Variants in RPGRIP1 observed in about 807,000 individuals in gnomAD.
The protein encoded by RPGRIP1 is X-linked retinitis pigmentosa GTPase regulator-interacting protein 1.
Under a neutral mutation model 157.9 loss-of-function variants are expected in RPGRIP1, and 128 were observed. That is an observed-to-expected ratio of 0.81 (90% CI 0.70 to 0.94). The LOEUF (loss-of-function observed/expected upper bound fraction) is 0.94, where lower values mean the gene tolerates loss of function less well. Ranked by LOEUF, RPGRIP1 falls within the 40% of genes least tolerant of loss-of-function variation. RPGRIP1 has a pLI of 0.00. For missense variants in RPGRIP1, 1,486 were observed against 1,545.8 expected (o/e 0.96, Z 0.65); for synonymous variants, 554 against 571.6 (o/e 0.97, Z 0.44).
At chr14:21,350,409 TAA>T (rs1242850610) in intron 24 of RPGRIP1, among the ~76,000 whole-genome samples, 1 of 149,214 alleles carries the variant, frequency 6.7e-6, no homozygotes, top group Non-Finnish European at 1.5e-5. Context: ...AAACAGGAAT[TAA>T]GAGTACATAG....
At chr14:21,280,209 G>A (rs996071131) in intron 1 of RPGRIP1, among the ~76,000 whole-genome samples, 50 bp downstream of exon 1, 2 of 151,484 alleles carry the variant, frequency 1.3e-5, no homozygotes, top group Admixed American at 1.3e-4. Context: ...CTTCCCTAGG[G>A]GTGTTTTTGA....
At position 21,351,271 on chromosome 14, in the gene RPGRIP1, C is replaced by A. The variant is rs1202783518; in HGVS notation, c.*55C>A. On this transcript the variant is annotated 3_prime_UTR_variant, in exon 25 of 25. Transcript: ENST00000400017. ...CTCTGAGGGAACCATAGTAAAAAGT[C>A]TCTTATAAAGTTAGCTTGCTATAAC... The A allele has an allele frequency of 4.5e-6, 5 of 1,116,712 alleles. No individual in the cohort carries two copies. The highest frequency in any genetic ancestry group is 6.7e-6 in the Non-Finnish European group (5 of 750,376). 69.2% of individuals were successfully genotyped at this position (1,116,712 alleles called of 1,614,324 possible). A position where few individuals can be genotyped will look rare whatever the true frequency, so the allele number is the denominator to read the frequency against.
In RPGRIP1 at chr14:21,343,053, CA is replaced by C; in HGVS notation, c.3358del (p.Ile1120LeufsTer14). ...YPKADSEKMC[I>X]EIVSLAFYPE... Reference sequence around the variant, plus strand: ...CTTATCAGGATTCAGAGAAGATGTGCATTGAAATTGTCTCCCTGGCCTTCTA... The same window carrying C: ...CTTATCAGGATTCAGAGAAGATGTGCTTGAAATTGTCTCCCTGGCCTTCTA... On this transcript the variant is annotated frameshift_variant, in exon 22 of 25. Coordinates refer to ENST00000400017, the MANE Select transcript of RPGRIP1 (RefSeq NM_020366.4). LOFTEE classifies it high-confidence loss of function. 6.2e-7 allele frequency: 1 copy of C among 1,611,690 alleles called. No individual in the cohort carries two copies.
chr14:21,292,065 A>G (rs904008916), intron 2 of RPGRIP1, among the ~76,000 whole-genome samples: 15 of 151,828 alleles, frequency 9.9e-5, no homozygotes, highest in African/African-American at 3.1e-4. Flanking sequence ...GCCAATTTTT[A>G]TATTTTTTGT....
intron 3 of RPGRIP1, among the ~76,000 whole-genome samples, chr14:21,295,537 G>A (rs1009101321): frequency 6.9e-6 from 1 of 144,380 alleles, no homozygotes; most frequent in Non-Finnish European, 1.5e-5. Context: ...AGGCTGGAGC[G>A]CAATGGCATG....
In RPGRIP1 at chr14:21,328,476, A is replaced by T. The variant is rs777650004; in HGVS notation, c.2948A>T (p.Lys983Met). 1.1e-5 allele frequency: 18 copies of T among 1,613,866 alleles called. No individual in the cohort carries two copies. In the South Asian group the frequency reaches 1.9e-4, roughly 17 times the overall value. Reference sequence around the variant, plus strand: ...ATTGAAGCTGGCCAGTATCGATCTAAGAGAAAACCTCCTCATGGGGGAGAA... The same window carrying T: ...ATTGAAGCTGGCCAGTATCGATCTATGAGAAAACCTCCTCATGGGGGAGAA... ...VPIEAGQYRS[K>M]RKPPHGGERK... The change falls in exon 19 of 25, where the codon AAG becomes ATG. Residue 983 changes from lysine (K) to methionine (M), a missense_variant. Coordinates refer to ENST00000400017, the MANE Select transcript of RPGRIP1 (RefSeq NM_020366.4).
intron 18 of RPGRIP1, among the ~76,000 whole-genome samples, chr14:21,328,112 C>T (rs1317631717): frequency 3.3e-5 from 5 of 151,628 alleles, no homozygotes; most frequent in African/African-American, 9.7e-5. Flanking sequence ...GAGGTTGCGG[C>T]GAGCCGAGAT....
chr14:21,294,278 T>A (rs1046912501), intron 2 of RPGRIP1, among the ~76,000 whole-genome samples: 4 of 150,816 alleles, frequency 2.7e-5, no homozygotes, highest in African/African-American at 9.7e-5. Flanking sequence ...TCACCCAGGG[T>A]GGAGTACAGT....
chr14:21,299,633 A>G (rs1880939423), intron 3 of RPGRIP1, among the ~76,000 whole-genome samples: 1 of 152,192 alleles, frequency 6.6e-6, no homozygotes, highest in African/African-American at 2.4e-5. Flanking sequence ...TACTGCTTTT[A>G]TCTTTTTCTA....
intron 3 of RPGRIP1, among the ~76,000 whole-genome samples, chr14:21,300,353 C>G (rs1880971338): frequency 6.7e-6 from 1 of 149,848 alleles, no homozygotes; most frequent in South Asian, 2.1e-4. Context: ...CAGATACAGT[C>G]ACACTGGGGG....
intron 3 of RPGRIP1, among the ~76,000 whole-genome samples, chr14:21,299,150 G>A (rs1358789728): frequency 1.3e-5 from 2 of 151,822 alleles, no homozygotes; most frequent in Middle Eastern, 6.3e-3. Flanking sequence ...CAAGTAGCTG[G>A]GATTACAGGC....
intron 10 of RPGRIP1, among the ~76,000 whole-genome samples, chr14:21,315,573 G>A (rs1262683474): frequency 6.6e-6 from 1 of 151,074 alleles, no homozygotes. Context: ...GGGGTAGATT[G>A]AGGAGGTCTT....
At chr14:21,329,978 T>A (rs188658928) in intron 19 of RPGRIP1, among the ~76,000 whole-genome samples, 14 of 150,426 alleles carry the variant, frequency 9.3e-5, no homozygotes, top group Middle Eastern at 3.4e-3. Flanking sequence ...ATTAGTCAGG[T>A]GTGGTGACGG....
rs150961310 is a variant in RPGRIP1 at position 21,296,479 on chromosome 14, G to A, written c.218+1670G>A. Among the ~76,000 whole-genome samples, 664 of 151,190 alleles carry A rather than the reference G, an allele frequency of 4.4e-3. 4 individuals are homozygous for A. Among genetic ancestry groups the A allele is most frequent in the African/African-American group, 0.016 (645 of 41,200 alleles). ...TCCACCCACCTTGGCCTCCCAAAGT[G>A]CTGGGATTACAGGCATTAGCCAACA... On this transcript the variant is annotated intron_variant, in intron 3 of 24. Coordinates refer to ENST00000400017, the MANE Select transcript of RPGRIP1 (RefSeq NM_020366.4).
At chr14:21,318,286 G>A (rs1362832759) in intron 11 of RPGRIP1, 3 of 330,484 alleles carry the variant, frequency 9.1e-6, no homozygotes, top group African/African-American at 7.5e-5. Context: ...TTTTTTTTTT[G>A]TATTTAGTAG....
intron 21 of RPGRIP1, among the ~76,000 whole-genome samples, chr14:21,340,998 T>A (rs1298532022): frequency 6.6e-6 from 1 of 152,176 alleles, no homozygotes; most frequent in Non-Finnish European, 1.5e-5. Context: ...GAGAGTTGGA[T>A]GTTATGGGAG....
At chr14:21,317,150 AC>A (rs1355695361) in intron 10 of RPGRIP1, among the ~76,000 whole-genome samples, 18 of 151,976 alleles carry the variant, frequency 1.2e-4, no homozygotes, top group Admixed American at 1.3e-4. Context: ...AAAAAAAGGA[AC>A]CAGCCATGTG....
At chr14:21,298,186 T>C (rs558202512) in intron 3 of RPGRIP1, among the ~76,000 whole-genome samples, 1 of 152,134 alleles carries the variant, frequency 6.6e-6, no homozygotes, top group South Asian at 2.1e-4. Flanking sequence ...TGTTTCATGT[T>C]GATGTTCTGT....
intron 1 of RPGRIP1, among the ~76,000 whole-genome samples, chr14:21,283,760 C>T (rs556042588): frequency 1.4e-4 from 21 of 151,912 alleles, no homozygotes; most frequent in African/African-American, 4.3e-4. Context: ...CGGGTTGAAG[C>T]GATTCTCCTG....
Sources: allele counts gnomAD v4.1 joint callset (sites outside exome capture counted in the v4.1 genomes callset), GRCh38; gene constraint gnomAD v4.1.1; transcripts MANE v1.5; gene names NCBI Gene and HGNC (gene_info 2026-07-23, HGNC 2026-07-21).